Variants in FRRS1 observed in about 807,000 individuals in gnomAD.
FRRS1 encodes the protein ferric chelate reductase 1.
In FRRS1, 51 loss-of-function variants were observed where a neutral mutation model predicts 70.7. The ratio of observed to expected loss-of-function variants is 0.72; its 90% confidence interval spans 0.58 to 0.91. FRRS1 has a LOEUF of 0.91. Ranked by LOEUF, FRRS1 falls within the 40% of genes least tolerant of loss-of-function variation. The probability of loss-of-function intolerance (pLI) is 0.00; values close to 1 mark genes in which losing one functional copy is unlikely to be tolerated. For missense variants in FRRS1, 672 were observed against 726.0 expected (o/e 0.93, Z 0.86); for synonymous variants, 225 against 238.7 (o/e 0.94, Z 0.53).
chr1:99,760,436 A>C (rs1657060757), intron 1 of FRRS1, among the ~76,000 whole-genome samples: 1 of 152,240 alleles, frequency 6.6e-6, no homozygotes. Context: ...AATTATAGGG[A>C]AATTGAAAAA....
In FRRS1 at chr1:99,708,785, G is replaced by T; in HGVS notation, c.*243C>A. 1 of 635,468 alleles carries T rather than the reference G, an allele frequency of 1.6e-6. No individual in the cohort carries two copies. The highest frequency in any genetic ancestry group is 2.7e-6 in the Non-Finnish European group (1 of 374,032). 39.4% of individuals were successfully genotyped at this position (635,468 alleles called of 1,614,324 possible). On this transcript the variant is annotated 3_prime_UTR_variant, in exon 17 of 17. Transcript: ENST00000646001. ...GAAATATTTGAGAGTTACTTCTCCT[G>T]AAGTACAATCTTTCCTTTAAGACCC...
At position 99,707,244 on chromosome 1, in the gene FRRS1, AAAAG is replaced by A. The variant is rs149786931; in HGVS notation, c.*1780_*1783del. Among the ~76,000 whole-genome samples the A allele has an allele frequency of 2.9e-3, 438 of 152,140 alleles. 2 individuals carry two copies. Among genetic ancestry groups the A allele is most frequent in the African/African-American group, 0.01 (422 of 41,554 alleles). On this transcript the variant is annotated 3_prime_UTR_variant, in exon 17 of 17. Transcript: ENST00000646001. ...GTAAATTCAAAAAATAAAAATATAA[AAAAG>A]AAATAATGAGAAAATTTTTGAAAAA...
intron 12 of FRRS1, among the ~76,000 whole-genome samples, chr1:99,712,852 T>C (rs1236648904): frequency 6.6e-6 from 1 of 152,194 alleles, no homozygotes; most frequent in Non-Finnish European, 1.5e-5. Context: ...TACAGAATGC[T>C]ACCTTTCCCC....
intron 7 of FRRS1, among the ~76,000 whole-genome samples, chr1:99,731,561 G>T (rs1410037532): frequency 6.6e-6 from 1 of 152,150 alleles, no homozygotes; most frequent in Non-Finnish European, 1.5e-5. Context: ...CCTAAAGCTT[G>T]TTTCTATATA....
At position 99,704,058 on chromosome 1, in the gene FRRS1, AT is replaced by A. The variant is rs1391276642; in HGVS notation, c.*4969del. ...AAAAAGTATACATTTTACATGCAAA[AT>A]TTATTAAGTTTAACACTGCAATCAA... On this transcript the variant is annotated 3_prime_UTR_variant, in exon 17 of 17. Transcript: ENST00000646001. Among the ~76,000 whole-genome samples, 3 of 152,178 alleles carry A rather than the reference AT, an allele frequency of 2.0e-5. No homozygotes were observed. Among genetic ancestry groups the A allele is most frequent in the Admixed American group, 6.5e-5 (1 of 15,284 alleles).
intron 10 of FRRS1, 39 bp downstream of exon 10, chr1:99,719,495 G>GT (rs773697373): frequency 1.4e-4 from 141 of 1,022,300 alleles, no homozygotes; most frequent in Admixed American, 4.8e-4. Flanking sequence ...GAGTCAGCAG[G>GT]TAAGTTGATT....
At chr1:99,732,767 C>T (rs1655457434) in intron 7 of FRRS1, among the ~76,000 whole-genome samples, 1 of 151,840 alleles carries the variant, frequency 6.6e-6, no homozygotes, top group South Asian at 2.1e-4. Flanking sequence ...AAGAAAAGAA[C>T]AGTTTTTCTA....
intron 14 of FRRS1, 127 bp from the exon 15 acceptor site, chr1:99,711,076 T>A: frequency 3.9e-6 from 3 of 766,956 alleles, no homozygotes; most frequent in Non-Finnish European, 6.1e-6. Context: ...GATTAATATC[T>A]AAGACCAAAT....
intron 1 of FRRS1, among the ~76,000 whole-genome samples, chr1:99,752,741 A>G (rs1389737076): frequency 6.6e-6 from 1 of 150,860 alleles, no homozygotes; most frequent in African/African-American, 2.4e-5. Flanking sequence ...TGAGACCCCC[A>G]TCTCTATTTT....
intron 4 of FRRS1, among the ~76,000 whole-genome samples, chr1:99,745,454 C>T (rs570259504): frequency 6.6e-6 from 1 of 152,062 alleles, no homozygotes; most frequent in Non-Finnish European, 1.5e-5. Context: ...GAGGCCGAGG[C>T]GGGAGGATCA....
At position 99,740,826 on chromosome 1, in the gene FRRS1, T is replaced by G. The variant is rs1306270550; in HGVS notation, c.543A>C (p.Pro181=). Residue 181 remains proline, a synonymous_variant, in exon 6 of 17, where the codon CCA becomes CCC. Coordinates refer to ENST00000646001, the MANE Select transcript of FRRS1 (RefSeq NM_001361041.2). ...TTAAGTGGGAAACGGGAGGTAACGT[T>G]GGCAAAGGTACTACTGTAGCTTTAG... ...TTPKATVVPL[P]TLPPVSHLTK... is the part of the protein sequence containing the mutation. 2 of 1,612,932 alleles carry G rather than the reference T, an allele frequency of 1.2e-6. No homozygotes were observed. Among genetic ancestry groups the G allele is most frequent in the East Asian group, 4.5e-5 (2 of 44,872 alleles).
intron 3 of FRRS1, chr1:99,747,924 AGT>A (rs1656365706): frequency 6.5e-6 from 1 of 152,858 alleles, no homozygotes; most frequent in South Asian, 2.1e-4. Context: ...TATTTAACAC[AGT>A]GTCTGGCTCA....
At chr1:99,715,557 A>T (rs199538063) in intron 12 of FRRS1, 29 bp downstream of exon 12, 319 of 1,301,768 alleles carry the variant, frequency 2.5e-4, no homozygotes, top group Middle Eastern at 5.5e-4. Context: ...ATGGATTTAT[A>T]AAAAAAACCC....
intron 10 of FRRS1, among the ~76,000 whole-genome samples, chr1:99,718,663 T>C (rs1392018752): frequency 1.3e-5 from 2 of 152,100 alleles, no homozygotes; most frequent in African/African-American, 4.8e-5. Context: ...TTCTTGAACT[T>C]CATTCTATTC....
chr1:99,705,069 GCTAAA>G lies in FRRS1; in HGVS notation c.*3954_*3958del, dbSNP rs1319817391. ...AGCTAACACAAGCTAACTATGGACAGCTAAACTAAAAGAGCACGTGGTAACACATG... is the reference window on the plus strand; with the variant it reads ...AGCTAACACAAGCTAACTATGGACAGCTAAAAGAGCACGTGGTAACACATG... On this transcript the variant is annotated 3_prime_UTR_variant, in exon 17 of 17. Transcript: ENST00000646001. Among the ~76,000 whole-genome samples, 1 of 152,218 alleles carries G rather than the reference GCTAAA, an allele frequency of 6.6e-6. No homozygotes were observed. Among genetic ancestry groups the G allele is most frequent in the Admixed American group, 6.5e-5 (1 of 15,284 alleles).
Position 99,731,428 on chromosome 1 carries a change from T to C in FRRS1, c.760-1680A>G, listed in dbSNP as rs867188835. Among the ~76,000 whole-genome samples the C allele has an allele frequency of 3.3e-5, 5 of 152,354 alleles. 1 individual carries two copies. The South Asian group carries it at 1.0e-3, about 32-fold the overall frequency. ...TCTCAAGGATGTACTCTTAGCAAAG[T>C]AATTATGTACTGTTACACATATTAC... is the stretch of plus-strand genomic sequence containing the variant. On this transcript the variant is annotated intron_variant, in intron 7 of 16. Coordinates refer to ENST00000646001, the MANE Select transcript of FRRS1 (RefSeq NM_001361041.2).
At chr1:99,714,624 A>G (rs1372294296) in intron 12 of FRRS1, among the ~76,000 whole-genome samples, 1 of 152,252 alleles carries the variant, frequency 6.6e-6, no homozygotes, top group Non-Finnish European at 1.5e-5. Context: ...CTACAGTAGT[A>G]TCTGATGACA....
chr1:99,763,787 GA>G (rs1657221817), intron 1 of FRRS1, among the ~76,000 whole-genome samples: 1 of 150,104 alleles, frequency 6.7e-6, no homozygotes, highest in Non-Finnish European at 1.5e-5. Context: ...AGAATCGCTT[GA>G]ACCCTGGAGG....
chr1:99,711,636 T>C (rs1654276384), intron 14 of FRRS1: 1 of 156,026 alleles, frequency 6.4e-6, no homozygotes, highest in African/African-American at 2.4e-5. Context: ...AGAAGGTGCC[T>C]ACTTAGGTGT....
Sources: allele counts gnomAD v4.1 joint callset (sites outside exome capture counted in the v4.1 genomes callset), GRCh38; gene constraint gnomAD v4.1.1; transcripts MANE v1.5; gene names NCBI Gene and HGNC (gene_info 2026-07-23, HGNC 2026-07-21).